BRINP3: variants seen among roughly 807,000 people sequenced by gnomAD.
BRINP3 encodes the protein BMP/retinoic acid inducible neural specific 3, also known as BMP/retinoic acid-inducible neural-specific protein 3.
A neutral mutation model predicts 71.0 loss-of-function variants in BRINP3; 19 were observed. That is an observed-to-expected ratio of 0.27 (90% CI 0.19 to 0.39). The LOEUF (loss-of-function observed/expected upper bound fraction) is 0.39. Ranked by LOEUF, BRINP3 falls within the 10% of genes least tolerant of loss-of-function variation. The probability of loss-of-function intolerance (pLI) is 1.00; values close to 1 mark genes in which losing one functional copy is unlikely to be tolerated. For missense variants in BRINP3, 959 were observed against 940.8 expected, an observed-to-expected ratio of 1.02 and a Z score of -0.25; for synonymous variants, 380 against 337.7, an observed-to-expected ratio of 1.13 and a Z score of -1.37.
chr1:190,361,131 T>A (rs1430018933), intron 2 of BRINP3, among the ~76,000 whole-genome samples: 2 of 151,670 alleles, frequency 1.3e-5, no homozygotes, highest in Non-Finnish European at 2.9e-5. Flanking sequence ...CCATGGTGGT[T>A]TGACAGGGAC....
intron 2 of BRINP3, among the ~76,000 whole-genome samples, chr1:190,369,229 C>T (rs957612594): frequency 2.4e-4 from 36 of 151,862 alleles, no homozygotes; most frequent in African/African-American, 7.3e-4. Flanking sequence ...ATCGGGACTC[C>T]AACATCATAT....
At chr1:190,161,035 T>C (rs1264598280) in intron 6 of BRINP3, 145 bp from the exon 7 acceptor site, 2 of 570,808 alleles carry the variant, frequency 3.5e-6, no homozygotes, top group African/African-American at 1.9e-5. Context: ...CATTTGTGAG[T>C]AGCAAATTAA....
intron 7 of BRINP3, among the ~76,000 whole-genome samples, chr1:190,130,046 G>C (rs892051670): frequency 4.0e-5 from 6 of 151,878 alleles, no homozygotes; most frequent in Admixed American, 1.3e-4. Flanking sequence ...TATATATTCA[G>C]GAAAAAATTC....
At chr1:190,323,931 GA>G (rs1333535853) in intron 2 of BRINP3, among the ~76,000 whole-genome samples, 1 of 151,706 alleles carries the variant, frequency 6.6e-6, no homozygotes, top group Non-Finnish European at 1.5e-5. Flanking sequence ...TTGTTGAAAA[GA>G]AAACAAATAA....
chr1:190,476,268 A>G (rs558038598), intron 1 of BRINP3, among the ~76,000 whole-genome samples: 315 of 142,600 alleles, frequency 2.2e-3, no homozygotes, highest in Non-Finnish European at 3.7e-3. Context: ...AAAAAAAAGG[A>G]AAAGAAAAGC....
intron 7 of BRINP3, among the ~76,000 whole-genome samples, chr1:190,118,856 T>G (rs1653374521): frequency 6.6e-6 from 1 of 152,200 alleles, no homozygotes; most frequent in African/African-American, 2.4e-5. Flanking sequence ...AAAACCTAAA[T>G]TATTCATTCG....
intron 7 of BRINP3, among the ~76,000 whole-genome samples, chr1:190,118,474 T>A (rs1653335390): frequency 6.6e-6 from 1 of 152,208 alleles, no homozygotes; most frequent in Admixed American, 6.5e-5. Context: ...TTCCAGATAC[T>A]TTTCTAAACA....
intron 2 of BRINP3, among the ~76,000 whole-genome samples, chr1:190,308,492 T>C (rs1310233826): frequency 1.3e-5 from 2 of 150,088 alleles, no homozygotes; most frequent in Non-Finnish European, 3.0e-5. Context: ...GGGACTGTTG[T>C]AGGGTGGGGG....
At chr1:190,197,945 C>T (rs776116741) in intron 6 of BRINP3, among the ~76,000 whole-genome samples, 2 of 152,114 alleles carry the variant, frequency 1.3e-5, no homozygotes, top group Non-Finnish European at 2.9e-5. Context: ...TGGCTCCATC[C>T]CTGCAGCATA....
chr1:190,398,303 T>C (rs1671709667), intron 2 of BRINP3, among the ~76,000 whole-genome samples: 1 of 151,998 alleles, frequency 6.6e-6, no homozygotes, highest in Admixed American at 6.6e-5. Context: ...TTTTAAAACC[T>C]TCTCTGATAA....
At chr1:190,137,451 A>AG (rs1655069735) in intron 7 of BRINP3, among the ~76,000 whole-genome samples, 1 of 151,984 alleles carries the variant, frequency 6.6e-6, no homozygotes, top group East Asian at 1.9e-4. Context: ...AAAAAAAAAA[A>AG]AAACCTGAAA....
In BRINP3 at chr1:190,281,576, T is replaced by C. The variant is rs763299620; in HGVS notation, c.411A>G (p.Leu137=). 2.5e-6 allele frequency: 4 copies of C among 1,612,532 alleles called. No homozygotes were observed. The highest frequency in any genetic ancestry group is 3.4e-6 in the Non-Finnish European group (4 of 1,179,026). The change falls in exon 3 of 8, where the codon CTA becomes CTG. Residue 137 remains leucine (L), a synonymous_variant. Transcript: ENST00000367462. ...GAGCCGTACCTCCCAGAGTAGCAGA[T>C]AGCAAGAAATGTGTCCCATATTTCT... is the stretch of plus-strand genomic sequence containing the variant. ...LIKKYGTHFL[L]SATLGGEESL...
chr1:190,246,069 T>G (rs2102791789), intron 4 of BRINP3, among the ~76,000 whole-genome samples: 1 of 136,280 alleles, frequency 7.3e-6, no homozygotes, highest in Middle Eastern at 3.8e-3. Flanking sequence ...AACATACGTG[T>G]GCATGTGTCT....
chr1:190,278,575 A>G (rs1264745022), intron 3 of BRINP3, among the ~76,000 whole-genome samples: 1 of 151,672 alleles, frequency 6.6e-6, no homozygotes, highest in East Asian at 1.9e-4. Context: ...ATGCATCTTA[A>G]CTGAATTATT....
At chr1:190,432,035 C>T (rs951154282) in intron 2 of BRINP3, among the ~76,000 whole-genome samples, 2 of 151,874 alleles carry the variant, frequency 1.3e-5, no homozygotes, top group Admixed American at 6.6e-5. Context: ...AGGAGAACAC[C>T]GTTAACAAAC....
chr1:190,353,909 C>G (rs1293184938), intron 2 of BRINP3, among the ~76,000 whole-genome samples: 2 of 151,960 alleles, frequency 1.3e-5, no homozygotes, highest in African/African-American at 4.8e-5. Context: ...TCAGCTGATG[C>G]TTTCACTCTT....
chr1:190,404,594 T>C (rs1181120314), intron 2 of BRINP3, among the ~76,000 whole-genome samples: 2 of 152,194 alleles, frequency 1.3e-5, no homozygotes, highest in Non-Finnish European at 2.9e-5. Flanking sequence ...TTGATATCAT[T>C]ACCTTACATT....
intron 6 of BRINP3, among the ~76,000 whole-genome samples, chr1:190,222,051 G>A (rs927570391): frequency 9.9e-5 from 15 of 151,912 alleles, no homozygotes; most frequent in East Asian, 7.8e-4. Context: ...GTTAAACTAC[G>A]CACTAGATCT....
chr1:190,319,786 C>T (rs1352669014), intron 2 of BRINP3, among the ~76,000 whole-genome samples: 2 of 152,074 alleles, frequency 1.3e-5, no homozygotes, highest in African/African-American at 2.4e-5. Flanking sequence ...TCCCAGCAGA[C>T]CCCACCTCCA....
Sources: allele counts gnomAD v4.1 joint callset (sites outside exome capture counted in the v4.1 genomes callset), GRCh38; gene constraint gnomAD v4.1.1; transcripts MANE v1.5; gene names NCBI Gene and HGNC (gene_info 2026-07-23, HGNC 2026-07-21).